The following CACNB4 variants were observed in gnomAD, a reference collection of about 807,000 sequenced individuals.
The protein encoded by CACNB4 is voltage-dependent L-type calcium channel subunit beta-4.
In CACNB4, 32 loss-of-function variants were observed where a neutral mutation model predicts 71.2. That is an observed-to-expected ratio of 0.45 (90% confidence interval 0.34 to 0.60). The LOEUF (loss-of-function observed/expected upper bound fraction) is 0.60, where lower values mean the gene tolerates loss of function less well. CACNB4 is among the 20% of genes least tolerant of loss of function. The probability of loss-of-function intolerance (pLI) is 0.01; values close to 1 mark genes in which losing one functional copy is unlikely to be tolerated. For missense variants in CACNB4, 464 were observed against 647.9 expected, an observed-to-expected ratio of 0.72 and a Z score of 3.08; for synonymous variants, 231 against 236.9, an observed-to-expected ratio of 0.97 and a Z score of 0.23.
intron 2 of CACNB4, among the ~76,000 whole-genome samples, chr2:152,090,991 C>A (rs980619481): frequency 6.6e-6 from 1 of 151,560 alleles, no homozygotes; most frequent in Non-Finnish European, 1.5e-5. Context: ...TTTCAGTGAG[C>A]TGAGATTGGG....
rs189642338 is a variant in CACNB4, at chr2:152,093,579, T to C, written c.147+4751A>G. On this transcript the variant is annotated intron_variant, in intron 2 of 13. Transcript: ENST00000539935. ...AGTGATACAGTGTAGCTTTCAAAAC[T>C]GGGTCTTAGGAGAGCTGTGGCTTCA... 1.1e-3 allele frequency among the ~76,000 whole-genome samples: 161 copies of C among 152,338 alleles called. 4 individuals carry two copies. The highest frequency in any genetic ancestry group is 0.01 in the Admixed American group (158 of 15,290).
intron 2 of CACNB4, among the ~76,000 whole-genome samples, chr2:151,921,629 T>G (rs918250033): frequency 1.3e-5 from 2 of 152,216 alleles, no homozygotes; most frequent in South Asian, 4.1e-4. Flanking sequence ...CCTTGGCTCA[T>G]AGGCCCCTTC....
chr2:152,028,787 A>G (rs1166609650), intron 2 of CACNB4, among the ~76,000 whole-genome samples: 1 of 152,222 alleles, frequency 6.6e-6, no homozygotes, highest in Non-Finnish European at 1.5e-5. Flanking sequence ...AGCAACAAGG[A>G]GCTCACACAA....
intron 2 of CACNB4, among the ~76,000 whole-genome samples, chr2:152,056,796 C>T (rs1293004048): frequency 6.6e-6 from 1 of 152,150 alleles, no homozygotes; most frequent in Non-Finnish European, 1.5e-5. Flanking sequence ...GACAATAAGG[C>T]GAGAATGGTG....
chr2:152,098,773 A>G lies in CACNB4; in HGVS notation c.63+176T>C. 7.6e-7 allele frequency: 1 copy of G among 1,319,618 alleles called. No individual in the cohort carries two copies. The highest frequency in any genetic ancestry group is 1.0e-6 in the Non-Finnish European group (1 of 957,252). 81.7% of individuals were successfully genotyped at this position (1,319,618 alleles called of 1,614,324 possible). A position where few individuals can be genotyped will look rare whatever the true frequency, so the allele number is the denominator to read the frequency against. Reference sequence around the variant, plus strand: ...GGAGGAGGAGGAAGAGAAGGAGGAGAAAGAGGAGGAGCGGGAGGAGAAAGG... The same window carrying G: ...GGAGGAGGAGGAAGAGAAGGAGGAGGAAGAGGAGGAGCGGGAGGAGAAAGG... On this transcript the variant is annotated intron_variant, in intron 1 of 13. Transcript: ENST00000539935. The surrounding 1 kb of genome is among the most constrained non-coding windows in gnomAD (Gnocchi z 5.3).
intron 2 of CACNB4, among the ~76,000 whole-genome samples, chr2:151,988,538 T>TA (rs1186696064): frequency 5.3e-5 from 8 of 152,040 alleles, no homozygotes; most frequent in South Asian, 4.1e-4. Flanking sequence ...GGAGCTGCTA[T>TA]AAAAAAAATC....
At chr2:152,023,421 G>A (rs1232065661) in intron 2 of CACNB4, among the ~76,000 whole-genome samples, 4 of 97,572 alleles carry the variant, frequency 4.1e-5, no homozygotes, top group African/African-American at 1.6e-4. Context: ...AAAGGCCACC[G>A]TAAAAGTGAG....
At chr2:151,884,465 T>C (rs1021420672) in intron 2 of CACNB4, among the ~76,000 whole-genome samples, 2 of 93,450 alleles carry the variant, frequency 2.1e-5, no homozygotes, top group African/African-American at 4.3e-5. Flanking sequence ...CTACTAAAAA[T>C]ACAAAAAAAA....
At chr2:152,095,444 A>AT (rs923276584) in intron 2 of CACNB4, among the ~76,000 whole-genome samples, 41 of 149,194 alleles carry the variant, frequency 2.7e-4, no homozygotes, top group African/African-American at 4.9e-4. Context: ...TAACACATCG[A>AT]TTTTTTTTTT....
At chr2:152,095,032 TC>T (rs1167974478) in intron 2 of CACNB4, among the ~76,000 whole-genome samples, 1 of 152,244 alleles carries the variant, frequency 6.6e-6, no homozygotes, top group African/African-American at 2.4e-5. Flanking sequence ...ACTTTGAAGA[TC>T]ATTTCTGGGT....
chr2:152,038,220 C>T (rs1444265304), intron 2 of CACNB4, among the ~76,000 whole-genome samples: 1 of 152,166 alleles, frequency 6.6e-6, no homozygotes, highest in African/African-American at 2.4e-5. Flanking sequence ...AACAAAAAGT[C>T]TTGTAAAGTA....
At chr2:152,004,465 T>A (rs1485826130) in intron 2 of CACNB4, among the ~76,000 whole-genome samples, 1 of 152,044 alleles carries the variant, frequency 6.6e-6, no homozygotes. Context: ...TAGACCAATG[T>A]GCAAGAGCAG....
intron 2 of CACNB4, among the ~76,000 whole-genome samples, chr2:151,956,719 C>T (rs2099868359): frequency 6.6e-6 from 1 of 152,200 alleles, no homozygotes. Context: ...AAGAAACAAA[C>T]TATCAAGTGT....
intron 2 of CACNB4, among the ~76,000 whole-genome samples, chr2:152,079,388 G>GTGT (rs373504253): frequency 6.6e-5 from 10 of 151,730 alleles, no homozygotes; most frequent in East Asian, 2.0e-4. Context: ...ACGCCCGGCC[G>GTGT]TGTTGTTGTT....
At chr2:152,082,590 T>C (rs1388758365) in intron 2 of CACNB4, among the ~76,000 whole-genome samples, 8 of 152,172 alleles carry the variant, frequency 5.3e-5, no homozygotes, top group African/African-American at 1.9e-4. Flanking sequence ...AGTCCTATAA[T>C]ATTAGAACGT....
chr2:151,935,824 A>G (rs186159292), intron 2 of CACNB4, among the ~76,000 whole-genome samples: 1 of 152,348 alleles, frequency 6.6e-6, no homozygotes, highest in East Asian at 1.9e-4. Context: ...CTTTTATTCA[A>G]CTGAAGTATC....
intron 10 of CACNB4, chr2:151,858,726 C>A (rs557762390): frequency 6.6e-6 from 1 of 152,316 alleles, no homozygotes; most frequent in East Asian, 1.9e-4. Context: ...TCAAATCACA[C>A]CACCAACTTC....
At chr2:151,984,527 T>C (rs1471638064) in intron 2 of CACNB4, among the ~76,000 whole-genome samples, 1 of 152,156 alleles carries the variant, frequency 6.6e-6, no homozygotes, top group African/African-American at 2.4e-5. Context: ...TTGGGAATCA[T>C]TATCCTATCC....
At position 151,833,992 on chromosome 2, in the gene CACNB4, A is replaced by G. The variant is rs1333188172; in HGVS notation, c.*5127T>C. On this transcript the variant is annotated 3_prime_UTR_variant, in exon 14 of 14. Coordinates refer to ENST00000539935, the MANE Select transcript of CACNB4 (RefSeq NM_000726.5). ...AGTATGCAACGATATAGCGTTAATG[A>G]TCCCGCCTCTTTATTACATCCCTTA... 2 of 152,090 alleles carry G rather than the reference A, an allele frequency of 1.3e-5. No homozygotes were observed. The highest frequency in any genetic ancestry group is 1.5e-5 in the Non-Finnish European group (1 of 67,924). The allele number at this position is 152,090 out of a possible 1,614,324, so 9.4% of individuals were successfully genotyped here.
Sources: allele counts gnomAD v4.1 joint callset (sites outside exome capture counted in the v4.1 genomes callset), GRCh38; gene constraint gnomAD v4.1.1; non-coding constraint Gnocchi (gnomAD v3.1); transcripts MANE v1.5; gene names NCBI Gene and HGNC (gene_info 2026-07-23, HGNC 2026-07-21).